The following PRKN variants were observed in gnomAD, a reference collection of about 807,000 sequenced individuals.
The protein encoded by PRKN is E3 ubiquitin-protein ligase parkin.
A neutral mutation model predicts 59.5 loss-of-function variants in PRKN; 56 were observed. The observed-to-expected ratio is 0.94, with a 90% CI of 0.76 to 1.18. The LOEUF (loss-of-function observed/expected upper bound fraction) is 1.18, where lower values mean the gene tolerates loss of function less well. Among genes scored for constraint, PRKN ranks in the 50% most tolerant of loss-of-function variants. The probability of loss-of-function intolerance (pLI) is 0.00; values close to 1 mark genes in which losing one functional copy is unlikely to be tolerated. For synonymous variants in PRKN, 250 were observed against 222.1 expected, an observed-to-expected ratio of 1.13 and a Z score of -1.12; for missense variants, 657 against 596.4, an observed-to-expected ratio of 1.10 and a Z score of -1.06.
At chr6:161,854,779 G>A (rs1793577820) in intron 6 of PRKN, among the ~76,000 whole-genome samples, 2 of 151,986 alleles carry the variant, frequency 1.3e-5, no homozygotes, top group African/African-American at 4.8e-5. Flanking sequence ...ATGTCTTACT[G>A]CTAGATCTAG....
chr6:161,352,726 A>AGTGTGTGTGTGTGTGTGTGTGT lies in PRKN; in HGVS notation c.1286-2537_1286-2516dup, dbSNP rs373703677. Among the ~76,000 whole-genome samples, 2 of 128,522 alleles carry AGTGTGTGTGTGTGTGTGTGTGT rather than the reference A, an allele frequency of 1.6e-5. No homozygotes were observed. The highest frequency in any genetic ancestry group is 7.6e-5 in the Admixed American group (1 of 13,144). The allele number at this position is 128,522 out of a possible 152,430, so 84.3% of individuals were successfully genotyped here. A position where few individuals can be genotyped will look rare whatever the true frequency, so the allele number is the denominator to read the frequency against. On this transcript the variant is annotated intron_variant, in intron 11 of 11. Coordinates refer to ENST00000366898, the MANE Select transcript of PRKN (RefSeq NM_004562.3). This position sits in a 1 kb window ranked among gnomAD's most constrained non-coding sequence, Gnocchi z 5.8. ...TATATAAACACAAATATGTATGAAG[A>AGTGTGTGTGTGTGTGTGTGTGT]GTGTGTGTGTGTGTGTGTGTGTGTG...
At chr6:161,664,317 G>A (rs754749748) in intron 7 of PRKN, among the ~76,000 whole-genome samples, 1 of 152,194 alleles carries the variant, frequency 6.6e-6, no homozygotes. Context: ...GGGTCTTCCT[G>A]TTACGGGAAA....
chr6:161,899,929 C>G (rs1193496011), intron 6 of PRKN, among the ~76,000 whole-genome samples: 13 of 152,126 alleles, frequency 8.5e-5, no homozygotes. Context: ...CAAGACCAGC[C>G]TGGCCAACAT....
chr6:161,457,654 GA>G lies in PRKN; in HGVS notation c.1084-70778del, dbSNP rs2115150865. On this transcript the variant is annotated intron_variant, in intron 9 of 11. Coordinates refer to ENST00000366898, the MANE Select transcript of PRKN (RefSeq NM_004562.3). This position sits in a 1 kb window ranked among gnomAD's most constrained non-coding sequence, Gnocchi z 5.0. ...GAAGATACATTACTGAAAACTCCAA[GA>G]AGGTCAGAAAGCAAAATCAAGGAAT... Among the ~76,000 whole-genome samples, 1 of 152,296 alleles carries G rather than the reference GA, an allele frequency of 6.6e-6. No homozygotes were observed. The highest frequency in any genetic ancestry group is 2.1e-4 in the South Asian group (1 of 4,822).
chr6:162,573,793 C>G (rs1003216537), intron 1 of PRKN, among the ~76,000 whole-genome samples: 1 of 152,096 alleles, frequency 6.6e-6, no homozygotes, highest in African/African-American at 2.4e-5. Flanking sequence ...ATAACTTATT[C>G]TGAATTATGA....
At position 161,348,931 on chromosome 6, in the gene PRKN, T is replaced by C. The variant is rs558949616; in HGVS notation, c.*1168A>G. 5.9e-5 allele frequency: 12 copies of C among 202,866 alleles called. No individual in the cohort carries two copies. Among genetic ancestry groups the C allele is most frequent in the Non-Finnish European group, 1.0e-4 (10 of 98,898 alleles). 12.6% of individuals were successfully genotyped at this position (202,866 alleles called of 1,614,324 possible). On this transcript the variant is annotated 3_prime_UTR_variant, in exon 12 of 12. Transcript: ENST00000366898. The surrounding 1 kb of genome is among the most constrained non-coding windows in gnomAD (Gnocchi z 4.9). Reference sequence around the variant, plus strand: ...TTTGATTGAACTGAAATCCAATCCATGTCAACATAAGGAATATTCTAGTGA... The same window carrying C: ...TTTGATTGAACTGAAATCCAATCCACGTCAACATAAGGAATATTCTAGTGA...
rs183944249 is a variant in PRKN, at chr6:162,479,397, T to C, written c.8-35924A>G. Among the ~76,000 whole-genome samples the C allele has an allele frequency of 9.3e-4, 142 of 152,168 alleles. 1 individual carries two copies. The highest frequency in any genetic ancestry group is 1.7e-3 in the Non-Finnish European group (115 of 67,994). On this transcript the variant is annotated intron_variant, in intron 1 of 11. Coordinates refer to ENST00000366898, the MANE Select transcript of PRKN (RefSeq NM_004562.3). ...CATGCCAACATCCCCAGCTAATTTT[T>C]TTTGTATTTTTAGTAGAGATGGGGT...
At chr6:161,870,331 T>C (rs1481864672) in intron 6 of PRKN, among the ~76,000 whole-genome samples, 1 of 152,188 alleles carries the variant, frequency 6.6e-6, no homozygotes, top group Non-Finnish European at 1.5e-5. Context: ...TGTCAAGTGC[T>C]GTGGGTCATG....
At chr6:161,624,805 G>C (rs952105189) in intron 7 of PRKN, among the ~76,000 whole-genome samples, 1 of 152,152 alleles carries the variant, frequency 6.6e-6, no homozygotes, top group South Asian at 2.1e-4. Flanking sequence ...TTCCCTAAAG[G>C]AATGATGCTG....
intron 1 of PRKN, among the ~76,000 whole-genome samples, chr6:162,544,445 A>G (rs1192007042): frequency 6.6e-6 from 1 of 152,116 alleles, no homozygotes; most frequent in African/African-American, 2.4e-5. Context: ...ATGAAAGTTA[A>G]TTATACAGCA....
chr6:161,903,484 G>A (rs1447081551), intron 6 of PRKN, among the ~76,000 whole-genome samples: 2 of 152,200 alleles, frequency 1.3e-5, no homozygotes, highest in African/African-American at 4.8e-5. Flanking sequence ...TTTCTGAGCT[G>A]ACAGCCGCCA....
intron 7 of PRKN, among the ~76,000 whole-genome samples, chr6:161,758,848 C>A (rs910835001): frequency 2.0e-5 from 3 of 152,178 alleles, no homozygotes; most frequent in Non-Finnish European, 4.4e-5. Context: ...CCGTCCTATA[C>A]CACACAAACA....
intron 6 of PRKN, among the ~76,000 whole-genome samples, chr6:161,918,056 A>G (rs1008543558): frequency 3.9e-5 from 6 of 152,218 alleles, no homozygotes; most frequent in African/African-American, 1.4e-4. Context: ...TTTGCAATTT[A>G]CAACAACAAA....
chr6:161,897,900 G>C (rs1191511698), intron 6 of PRKN, among the ~76,000 whole-genome samples: 1 of 131,642 alleles, frequency 7.6e-6, no homozygotes, highest in Non-Finnish European at 1.5e-5. Context: ...CCGGGAGGCG[G>C]AGCTTGCAGT....
At chr6:161,746,724 GTCTATATCTAGATTCTAGATA>G (rs1788437827) in intron 7 of PRKN, among the ~76,000 whole-genome samples, 1 of 145,180 alleles carries the variant, frequency 6.9e-6, no homozygotes, top group Admixed American at 6.9e-5. Flanking sequence ...AGATATATAT[GTCTATATCTAGATTCTAGATA>G]TGCACATATA....
intron 7 of PRKN, among the ~76,000 whole-genome samples, chr6:161,629,403 C>G (rs12211755): frequency 0.23 from 34,932 of 151,904 alleles, 4,369 homozygotes; most frequent in Middle Eastern, 0.36. Flanking sequence ...TCCCCTGCAC[C>G]CCGGCAGTTG....
chr6:162,607,617 G>A (rs1781975640), intron 1 of PRKN, among the ~76,000 whole-genome samples: 1 of 151,982 alleles, frequency 6.6e-6, no homozygotes, highest in Non-Finnish European at 1.5e-5. Context: ...AGATGAGGCT[G>A]AATATAAAAG....
intron 2 of PRKN, among the ~76,000 whole-genome samples, chr6:162,416,080 C>T (rs943910981): frequency 6.6e-6 from 1 of 152,116 alleles, no homozygotes; most frequent in Non-Finnish European, 1.5e-5. Context: ...ATTTGACCTC[C>T]AGTATCATGC....
chr6:162,447,769 T>C (rs1056480256), intron 1 of PRKN, among the ~76,000 whole-genome samples: 2 of 152,140 alleles, frequency 1.3e-5, no homozygotes, highest in Non-Finnish European at 2.9e-5. Flanking sequence ...AAGCAGCCAT[T>C]CCGCCTCCTG....
Sources: allele counts gnomAD v4.1 joint callset (sites outside exome capture counted in the v4.1 genomes callset), GRCh38; gene constraint gnomAD v4.1.1; non-coding constraint Gnocchi (gnomAD v3.1); transcripts MANE v1.5; gene names NCBI Gene and HGNC (gene_info 2026-07-23, HGNC 2026-07-21).